ERMP1: variants seen among roughly 807,000 people sequenced by gnomAD.
ERMP1 encodes Felix-ina.
ERMP1 carries 86 observed loss-of-function variants against 92.0 expected under a neutral mutation model. That is an observed-to-expected ratio of 0.93 (90% CI 0.79 to 1.12). ERMP1 has a LOEUF of 1.12. Among genes scored for constraint, ERMP1 ranks in the 50% most tolerant of loss-of-function variants. The pLI is 0.00. For synonymous variants in ERMP1, 530 were observed against 412.8 expected (o/e 1.28, Z -3.44); for missense variants, 1,342 against 1,116.3 (o/e 1.20, Z -2.88).
chr9:5,811,417 C>G, intron 6 of ERMP1, 94 bp from the exon 7 acceptor site: 1 of 887,514 alleles, frequency 1.1e-6, no homozygotes, highest in East Asian at 2.6e-5. Context: ...CTATTTAAAG[C>G]AGAAATAAAC....
Position 5,851,598 on chromosome 9 carries a change from A to G in ERMP1, n.3199+7870T>C, listed in dbSNP as rs78744161. On this transcript the variant is annotated intron_variant and non_coding_transcript_variant, in intron 6 of 6. Transcript: ENST00000690753. ...GGCAAGAGTCAACCTGCTTATTATA[A>G]CCATTTCACAAGGATCTTAAAGGAA... Among the ~76,000 whole-genome samples the G allele has an allele frequency of 1.7e-3, 263 of 152,250 alleles. 1 individual carries two copies. The highest frequency in any genetic ancestry group is 6.2e-3 in the African/African-American group (258 of 41,532).
At chr9:5,865,257 A>C (rs1830617380) in intron 5 of ERMP1, among the ~76,000 whole-genome samples, 1 of 152,188 alleles carries the variant, frequency 6.6e-6, no homozygotes, top group Admixed American at 6.5e-5. Context: ...CTGTAATCCC[A>C]GCACTTTGGG....
At chr9:5,808,994 C>T (rs1828980498) in intron 8 of ERMP1, among the ~76,000 whole-genome samples, 1 of 152,136 alleles carries the variant, frequency 6.6e-6, no homozygotes, top group Non-Finnish European at 1.5e-5. Flanking sequence ...GTTGGGATTA[C>T]AGGCATGAGC....
chr9:5,857,066 G>T (rs1830383423), intron 6 of ERMP1, among the ~76,000 whole-genome samples: 1 of 151,982 alleles, frequency 6.6e-6, no homozygotes, highest in South Asian at 2.1e-4. Context: ...TGTCACCCAA[G>T]CTGGAGTGCA....
chr9:5,789,362 T>C (rs1039378159), intron 13 of ERMP1, among the ~76,000 whole-genome samples: 2 of 152,180 alleles, frequency 1.3e-5, no homozygotes, highest in African/African-American at 4.8e-5. Context: ...GGAACAACAA[T>C]TTTTAAAAAC....
chr9:5,823,649 T>G (rs1829626158), intron 4 of ERMP1, among the ~76,000 whole-genome samples: 1 of 152,168 alleles, frequency 6.6e-6, no homozygotes, highest in African/African-American at 2.4e-5. Flanking sequence ...GTTTGGAGGA[T>G]TCAATGACTT....
chr9:5,837,044 A>G (rs1471679663), upstream of ERMP1, among the ~76,000 whole-genome samples: 1 of 152,186 alleles, frequency 6.6e-6, no homozygotes, highest in East Asian at 1.9e-4. Flanking sequence ...CCACTATGTC[A>G]GTTTACCTTT....
chr9:5,860,375 G>A (rs1377220841), intron 5 of ERMP1, among the ~76,000 whole-genome samples: 1 of 151,876 alleles, frequency 6.6e-6, no homozygotes, highest in African/African-American at 2.4e-5. Flanking sequence ...GAAGTTTACT[G>A]CCAGCAAGCA....
chr9:5,805,655 G>A lies in ERMP1; in HGVS notation c.1679C>T (p.Pro560Leu). 6.2e-7 allele frequency: 1 copy of A among 1,609,570 alleles called. No individual in the cohort carries two copies. The highest frequency in any genetic ancestry group is 8.5e-7 in the Non-Finnish European group (1 of 1,178,472). Residue 560 changes from proline (P) to leucine (L), a missense_variant, in exon 9 of 15, where the codon CCA becomes CTA. Transcript: ENST00000339450. ...AFISAVWVAF[P>L]LLTKLCVHKD... ...ATGCACACAGAGCTTTGTGAGCAATGGGAATGCTACCCAGACAGCACTAAT... is the reference window on the plus strand; with the variant it reads ...ATGCACACAGAGCTTTGTGAGCAATAGGAATGCTACCCAGACAGCACTAAT...
At chr9:5,810,941 A>T (rs1241919592) in intron 7 of ERMP1, among the ~76,000 whole-genome samples, 170 bp downstream of exon 7, 1 of 152,236 alleles carries the variant, frequency 6.6e-6, no homozygotes, top group Non-Finnish European at 1.5e-5. Flanking sequence ...CACCAAGACT[A>T]AAAGTAAAAT....
Position 5,812,047 on chromosome 9 carries a change from C to G in ERMP1, c.1114+78G>C, listed in dbSNP as rs567196776. 44 of 918,516 alleles carry G rather than the reference C, an allele frequency of 4.8e-5. No individual in the cohort carries two copies. The African/African-American group carries it at 6.3e-4, about 13-fold the overall frequency. The allele number at this position is 918,516 out of a possible 1,614,324, so 56.9% of individuals were successfully genotyped here. A position where few individuals can be genotyped will look rare whatever the true frequency, so the allele number is the denominator to read the frequency against. ...TACTGCCTCTCTAATGCACAGGCCA[C>G]AGAATATTTACAAGTTTATGTATCA... On this transcript the variant is annotated intron_variant, in intron 6 of 14. Transcript: ENST00000339450.
chr9:5,787,235 C>A lies in ERMP1; in HGVS notation c.2624G>T (p.Arg875Ile). The change falls in exon 15 of 15, where the codon AGA becomes ATA. Residue 875 changes from arginine to isoleucine, a missense_variant. Transcript: ENST00000339450. ...AAHYLSGEDK[R>I]SPQLDALKEK... ...CTTCAGAGCATCCAGTTGAGGGGAT[C>A]TCTTGTCTTCCCCAGACAGATAGTG... 1 of 1,614,106 alleles carries A rather than the reference C, an allele frequency of 6.2e-7. No individual in the cohort carries two copies. The highest frequency in any genetic ancestry group is 8.5e-7 in the Non-Finnish European group (1 of 1,179,986).
intron 10 of ERMP1, among the ~76,000 whole-genome samples, chr9:5,802,836 A>G (rs951924074): frequency 2.0e-5 from 3 of 152,274 alleles, no homozygotes; most frequent in African/African-American, 7.2e-5. Flanking sequence ...TCAGCACACA[A>G]TGGACATTTC....
upstream of ERMP1, among the ~76,000 whole-genome samples, chr9:5,837,241 T>A (rs1040852629): frequency 1.3e-5 from 2 of 152,104 alleles, no homozygotes; most frequent in African/African-American, 4.8e-5. Flanking sequence ...TGCCTTAGCC[T>A]CCCAAGTAAC....
intron 6 of ERMP1, among the ~76,000 whole-genome samples, chr9:5,846,567 G>C (rs1830236900): frequency 6.6e-6 from 1 of 152,188 alleles, no homozygotes. Flanking sequence ...TGGGAACCTT[G>C]CATGGTTTCA....
Position 5,798,031 on chromosome 9 carries a change from A to G in ERMP1, c.2271-99T>C, listed in dbSNP as rs1463699551. On this transcript the variant is annotated intron_variant, in intron 12 of 14. Coordinates refer to ENST00000339450, the MANE Select transcript of ERMP1 (RefSeq NM_024896.3). The stretch of plus-strand genomic sequence containing the variant: ...AGCATATATGAACACATTTTTGGGT[A>G]TGAAAATAAACTGACAGACATGATA... 3.9e-6 allele frequency: 3 copies of G among 776,748 alleles called. No individual in the cohort carries two copies. In the East Asian group the frequency reaches 7.5e-5, roughly 19 times the overall value. 48.1% of individuals were successfully genotyped at this position (776,748 alleles called of 1,614,324 possible). A position where few individuals can be genotyped will look rare whatever the true frequency, so the allele number is the denominator to read the frequency against.
At chr9:5,841,477 G>C (rs1830162624) in intron 6 of ERMP1, among the ~76,000 whole-genome samples, 1 of 152,178 alleles carries the variant, frequency 6.6e-6, no homozygotes, top group East Asian at 1.9e-4. Context: ...CTGCTTAAAA[G>C]GTATGGGGTT....
chr9:5,813,690 A>G (rs188475279), intron 4 of ERMP1, among the ~76,000 whole-genome samples: 55 of 152,014 alleles, frequency 3.6e-4, no homozygotes, highest in African/African-American at 1.1e-3. Context: ...GTATTATAAT[A>G]ATCATTTTGA....
At chr9:5,831,129 G>C in intron 1 of ERMP1, 101 bp from the exon 2 acceptor site, 1 of 850,778 alleles carries the variant, frequency 1.2e-6, no homozygotes, top group Non-Finnish European at 1.8e-6. Flanking sequence ...AAAAAGCTTA[G>C]TTCTTTGCCT....
Sources: gnomAD v4.1 joint callset for allele counts (sites outside exome capture counted in the v4.1 genomes callset) on GRCh38, gnomAD v4.1.1 for gene constraint, MANE v1.5 for transcripts, NCBI Gene and HGNC (gene_info 2026-07-23, HGNC 2026-07-21) for gene names.